TNS3: variants seen among roughly 807,000 people sequenced by gnomAD.
TNS3 encodes tensin-3.
TNS3 carries 45 observed loss-of-function variants against 140.9 expected under a neutral mutation model. The ratio of observed to expected loss-of-function variants is 0.32; its 90% CI spans 0.25 to 0.41. TNS3 has a LOEUF of 0.41. TNS3 is among the 10% of genes least tolerant of loss of function. The probability of loss-of-function intolerance (pLI) is 1.00; values close to 1 mark genes in which losing one functional copy is unlikely to be tolerated. For synonymous variants in TNS3, 815 were observed against 788.4 expected (o/e 1.03, Z -0.56); for missense variants, 1,716 against 1,906.7 (o/e 0.90, Z 1.86).
intron 20 of TNS3, among the ~76,000 whole-genome samples, chr7:47,323,043 G>C (rs1272966557): frequency 6.6e-6 from 1 of 152,206 alleles, no homozygotes; most frequent in Non-Finnish European, 1.5e-5. Flanking sequence ...CAGCCCACCT[G>C]CAGCTCTGCA....
chr7:47,400,806 C>T lies in TNS3; in HGVS notation c.832G>A (p.Asp278Asn). ...TCACCTTTGCTGGCATTGTCCAGATCCTCCTTCCCAAACACCAGCCCGTAG... is the reference window on the plus strand; with the variant it reads ...TCACCTTTGCTGGCATTGTCCAGATTCTCCTTCCCAAACACCAGCCCGTAG... ...QGYGLVFGKE[D>N]LDNASKDDRF... is the part of the protein sequence containing the mutation. Residue 278 changes from aspartate to asparagine, a missense_variant, in exon 14 of 31, where the codon GAT becomes AAT. Physicochemically the swap from Asp to Asn is conservative, Grantham distance 23. Around this residue, in one of 3 missense-constraint regions of TNS3, gnomAD observed 337 missense variants for 428.9 expected, o/e 0.79. Transcript: ENST00000311160. 6.2e-7 allele frequency: 1 copy of T among 1,614,232 alleles called. No individual in the cohort carries two copies. Among genetic ancestry groups the T allele is most frequent in the Non-Finnish European group, 8.5e-7 (1 of 1,180,046 alleles).
At chr7:47,561,178 G>A (rs976684285) in intron 1 of TNS3, among the ~76,000 whole-genome samples, 6 of 152,206 alleles carry the variant, frequency 3.9e-5, no homozygotes, top group Non-Finnish European at 8.8e-5. Context: ...TCTGTAGCTC[G>A]AGTGCAATAT....
At chr7:47,566,365 G>T (rs542440759) in intron 1 of TNS3, among the ~76,000 whole-genome samples, 1 of 152,282 alleles carries the variant, frequency 6.6e-6, no homozygotes, top group Admixed American at 6.5e-5. Flanking sequence ...GGTACTCAGG[G>T]TGCTCTTACA....
chr7:47,502,288 C>T (rs1429924225), intron 3 of TNS3, among the ~76,000 whole-genome samples: 4 of 152,184 alleles, frequency 2.6e-5, no homozygotes, highest in Non-Finnish European at 5.9e-5. Context: ...AGCTGCGGCT[C>T]TTAGCATGCA....
intron 20 of TNS3, among the ~76,000 whole-genome samples, chr7:47,322,437 G>T (rs990862974): frequency 6.6e-6 from 1 of 151,954 alleles, no homozygotes; most frequent in African/African-American, 2.4e-5. Context: ...CAGGAGAATC[G>T]CTTGAACCCG....
intron 1 of TNS3, among the ~76,000 whole-genome samples, chr7:47,536,785 A>C (rs1799613242): frequency 6.6e-6 from 1 of 152,188 alleles, no homozygotes; most frequent in African/African-American, 2.4e-5. Context: ...ACCAGCGTAC[A>C]CATGCCTGCA....
intron 6 of TNS3, 140 bp from the exon 7 acceptor site, chr7:47,437,453 GA>G (rs956218306): frequency 2.4e-4 from 71 of 297,966 alleles, no homozygotes; most frequent in African/African-American, 9.8e-4. Flanking sequence ...AAATCAGGGG[GA>G]AAAAAAGCTT....
At chr7:47,395,788 G>A (rs1010708126) in intron 16 of TNS3, among the ~76,000 whole-genome samples, 2 of 152,188 alleles carry the variant, frequency 1.3e-5, no homozygotes, top group Non-Finnish European at 2.9e-5. Flanking sequence ...CATTCCATCT[G>A]TGGGTCTCCA....
At chr7:47,387,446 G>A (rs1792140596) in intron 16 of TNS3, among the ~76,000 whole-genome samples, 1 of 152,194 alleles carries the variant, frequency 6.6e-6, no homozygotes, top group South Asian at 2.1e-4. Flanking sequence ...TAAAGGGAGC[G>A]TGCATGTGGA....
rs1471567452 is a variant in TNS3, at chr7:47,283,790, C to T, written c.4004G>A (p.Ser1335Asn). 2 of 1,612,780 alleles carry T rather than the reference C, an allele frequency of 1.2e-6. No homozygotes were observed. The highest frequency in any genetic ancestry group is 1.7e-6 in the Non-Finnish European group (2 of 1,179,356). ...TGGAGGCTCCTGGACCAGGGTGATG[C>T]TCAGGGCCTTCTGGATCGCCTGGTG... is the stretch of plus-strand genomic sequence containing the variant. ...TGHQAIQKAL[S>N]ITLVQEPPPV... Residue 1335 changes from serine to asparagine, a missense_variant, in exon 28 of 31, where the codon AGC (serine) becomes AAC (asparagine). Physicochemically the swap from Ser to Asn is conservative, Grantham distance 46 (BLOSUM62 1). This residue lies in a region of TNS3 where 216 missense variants were observed against 295.7 expected (regional missense o/e 0.73). Transcript: ENST00000311160.
At chr7:47,331,663 A>AT (rs1343434396) in intron 20 of TNS3, among the ~76,000 whole-genome samples, 1 of 152,168 alleles carries the variant, frequency 6.6e-6, no homozygotes, top group Non-Finnish European at 1.5e-5. Context: ...GGCTTTCAGG[A>AT]TTTTTTGTAA....
chr7:47,459,224 C>T (rs114934666), intron 4 of TNS3, among the ~76,000 whole-genome samples: 2,204 of 152,234 alleles, frequency 0.014, 55 homozygotes, highest in African/African-American at 0.05. Context: ...GTGGCTGCCT[C>T]GGGATAAACA....
At chr7:47,309,696 AG>A (rs1786972718) in intron 20 of TNS3, among the ~76,000 whole-genome samples, 1 of 152,240 alleles carries the variant, frequency 6.6e-6, no homozygotes. Flanking sequence ...TGTTCACTGC[AG>A]GTCGTCAAGA....
intron 11 of TNS3, 22 bp downstream of exon 11, chr7:47,415,072 C>T (rs1307680336): frequency 4.4e-6 from 7 of 1,580,392 alleles, no homozygotes; most frequent in Non-Finnish European, 5.2e-6. Context: ...ATCGCAGGTG[C>T]CACGTCATAG....
intron 9 of TNS3, among the ~76,000 whole-genome samples, chr7:47,426,350 C>T (rs1253212195): frequency 6.6e-6 from 1 of 152,178 alleles, no homozygotes; most frequent in Non-Finnish European, 1.5e-5. Flanking sequence ...AAATACATAA[C>T]ATATCCATTG....
At position 47,481,104 on chromosome 7, in the gene TNS3, T is replaced by C. The variant is rs949571317; in HGVS notation, c.-77A>G. On this transcript the variant is annotated splice_region_variant and 5_prime_UTR_variant, in exon 4 of 31. Coordinates refer to ENST00000311160, the MANE Select transcript of TNS3 (RefSeq NM_022748.12). The stretch of plus-strand genomic sequence containing the variant: ...GCCAAAGAAATGCAAAGGGCTTACC[T>C]GTTCCAGTCGGACTTGCACACCGCA... 7.8e-7 allele frequency: 1 copy of C among 1,289,846 alleles called. No homozygotes were observed. The highest frequency in any genetic ancestry group is 1.0e-6 in the Non-Finnish European group (1 of 988,882). The allele number at this position is 1,289,846 out of a possible 1,614,324, so 79.9% of individuals were successfully genotyped here. A position where few individuals can be genotyped will look rare whatever the true frequency, so the allele number is the denominator to read the frequency against.
chr7:47,476,937 A>G (rs892549977), intron 4 of TNS3, among the ~76,000 whole-genome samples: 5 of 152,230 alleles, frequency 3.3e-5, no homozygotes, highest in Admixed American at 3.3e-4. Context: ...CTGCTGCAGT[A>G]AACAGAAGAT....
chr7:47,443,012 A>C (rs1795544051), intron 4 of TNS3, among the ~76,000 whole-genome samples: 1 of 152,312 alleles, frequency 6.6e-6, no homozygotes, highest in South Asian at 2.1e-4. Context: ...AAATCATACC[A>C]ATGCAAAGCC....
chr7:47,455,606 G>A (rs1480111824), intron 4 of TNS3, among the ~76,000 whole-genome samples: 1 of 152,172 alleles, frequency 6.6e-6, no homozygotes, highest in Non-Finnish European at 1.5e-5. Context: ...AGAGGGGAAA[G>A]ACCAGGATGG....
Sources: allele counts gnomAD v4.1 joint callset (sites outside exome capture counted in the v4.1 genomes callset), GRCh38; gene constraint gnomAD v4.1.1; regional missense constraint gnomAD v4.1.1; transcripts MANE v1.5; gene names NCBI Gene and HGNC (gene_info 2026-07-23, HGNC 2026-07-21).